Variants in IGF2BP3 observed in about 807,000 individuals in gnomAD.
IGF2BP3 encodes the protein insulin like growth factor 2 mRNA binding protein 3.
IGF2BP3 carries 9 observed loss-of-function variants against 73.8 expected under a neutral mutation model. The ratio of observed to expected loss-of-function variants is 0.12; its 90% confidence interval spans 0.07 to 0.21. The LOEUF (loss-of-function observed/expected upper bound fraction) is 0.21. Ranked by LOEUF, IGF2BP3 falls within the 10% of genes least tolerant of loss-of-function variation. The pLI is 1.00. For synonymous variants in IGF2BP3, 258 were observed against 256.7 expected (o/e 1.01, Z -0.05); for missense variants, 542 against 714.0 (o/e 0.76, Z 2.75).
intron 12 of IGF2BP3, among the ~76,000 whole-genome samples, chr7:23,314,684 A>C (rs1043955924): frequency 2.0e-5 from 3 of 152,160 alleles, no homozygotes; most frequent in African/African-American, 7.2e-5. Context: ...TCACATCTAC[A>C]TGGGCCAGTT....
intron 10 of IGF2BP3, among the ~76,000 whole-genome samples, chr7:23,326,811 G>T (rs531843991): frequency 3.5e-4 from 49 of 141,844 alleles, no homozygotes; most frequent in East Asian, 6.2e-4. Context: ...GTAAACTATC[G>T]CAAGAACAAA....
At chr7:23,338,497 G>C (rs1784629760) in intron 10 of IGF2BP3, among the ~76,000 whole-genome samples, 2 of 152,090 alleles carry the variant, frequency 1.3e-5, no homozygotes, top group Non-Finnish European at 2.9e-5. Context: ...CTCTTGAAAA[G>C]AACAGTTCCT....
In IGF2BP3 at chr7:23,468,054, G is replaced by T. The variant is rs535345639; in HGVS notation, c.236+428C>A. On this transcript the variant is annotated intron_variant, in intron 2 of 14. Transcript: ENST00000258729. ...CCGCGCCCACGGCCTCCCAACCCCG[G>T]ACAGAGAAGGAAAGGAGGGACCCCC... The T allele has an allele frequency of 3.0e-3, 629 of 207,938 alleles. 2 individuals are homozygous for T. The highest frequency in any genetic ancestry group is 4.8e-3 in the Non-Finnish European group (485 of 102,042). The allele number at this position is 207,938 out of a possible 1,614,324, so 12.9% of individuals were successfully genotyped here. A position where few individuals can be genotyped will look rare whatever the true frequency, so the allele number is the denominator to read the frequency against.
intron 10 of IGF2BP3, among the ~76,000 whole-genome samples, chr7:23,337,140 T>C (rs1289457309): frequency 6.6e-6 from 1 of 152,158 alleles, no homozygotes; most frequent in East Asian, 1.9e-4. Context: ...GCAAAGCTAT[T>C]CCAACTGAGT....
At chr7:23,335,879 C>G (rs1784561329) in intron 10 of IGF2BP3, among the ~76,000 whole-genome samples, 1 of 152,202 alleles carries the variant, frequency 6.6e-6, no homozygotes, top group Non-Finnish European at 1.5e-5. Context: ...AGGCGCGTTT[C>G]CTGTCATTTA....
chr7:23,389,362 A>G (rs1040153883), intron 3 of IGF2BP3, among the ~76,000 whole-genome samples: 1 of 152,030 alleles, frequency 6.6e-6, no homozygotes, highest in Admixed American at 6.6e-5. Context: ...GGGTTTCACC[A>G]TATTGGCCAA....
Position 23,409,412 on chromosome 7 carries a change from T to C in IGF2BP3, c.285+9364A>G, listed in dbSNP as rs751987894. On this transcript the variant is annotated intron_variant, in intron 3 of 14. Transcript: ENST00000258729. ...GTGTATAGACTTGCTGGTTCCAAAATACACGTGGAAAAGCAAAGTAAAGAC... is the reference window on the plus strand; with the variant it reads ...GTGTATAGACTTGCTGGTTCCAAAACACACGTGGAAAAGCAAAGTAAAGAC... Among the ~76,000 whole-genome samples, 162 of 152,110 alleles carry C rather than the reference T, an allele frequency of 1.1e-3. 1 individual carries two copies. The highest frequency in any genetic ancestry group is 1.1e-3 in the Non-Finnish European group (73 of 68,014).
chr7:23,400,324 T>C (rs958177227), intron 3 of IGF2BP3, among the ~76,000 whole-genome samples: 1 of 152,226 alleles, frequency 6.6e-6, no homozygotes, highest in East Asian at 1.9e-4. Context: ...GTTTTCACCA[T>C]TAGAAGAAGT....
chr7:23,381,904 A>G (rs1407630431), intron 3 of IGF2BP3, among the ~76,000 whole-genome samples: 1 of 152,142 alleles, frequency 6.6e-6, no homozygotes, highest in Non-Finnish European at 1.5e-5. Context: ...CAAAGTCCAA[A>G]GTTTAAAATT....
chr7:23,457,321 C>T (rs912729859), intron 2 of IGF2BP3, among the ~76,000 whole-genome samples: 17 of 151,688 alleles, frequency 1.1e-4, no homozygotes, highest in African/African-American at 3.6e-4. Flanking sequence ...AAAAATTAGC[C>T]GGGTGTGGTG....
At chr7:23,377,098 T>C (rs574491714) in intron 3 of IGF2BP3, among the ~76,000 whole-genome samples, 9 of 151,932 alleles carry the variant, frequency 5.9e-5, no homozygotes, top group African/African-American at 1.9e-4. Context: ...ATAATGTTTA[T>C]GACAAAATTT....
At chr7:23,345,269 C>T (rs1370061209) in intron 8 of IGF2BP3, among the ~76,000 whole-genome samples, 1 of 152,222 alleles carries the variant, frequency 6.6e-6, no homozygotes, top group Non-Finnish European at 1.5e-5. Flanking sequence ...TAGCCTGCCT[C>T]CAAGGTGATT....
rs1784442192 is a variant in IGF2BP3, at chr7:23,331,479, G to A, written c.1203+10585C>T. 3.3e-5 allele frequency among the ~76,000 whole-genome samples: 5 copies of A among 152,120 alleles called. No homozygotes were observed. In the South Asian group the frequency reaches 1.0e-3, roughly 32 times the overall value. Reference sequence around the variant, plus strand: ...TGCAAAGTATCTTAAACGTGCATAAGATGGGTGTGTACAGATGAGACAGAG... The same window carrying A: ...TGCAAAGTATCTTAAACGTGCATAAAATGGGTGTGTACAGATGAGACAGAG... On this transcript the variant is annotated intron_variant, in intron 10 of 14. Coordinates refer to ENST00000258729, the MANE Select transcript of IGF2BP3 (RefSeq NM_006547.3).
At chr7:23,406,844 C>A (rs557884828) in intron 3 of IGF2BP3, among the ~76,000 whole-genome samples, 2 of 152,244 alleles carry the variant, frequency 1.3e-5, no homozygotes, top group East Asian at 3.9e-4. Flanking sequence ...TGTTTACAAA[C>A]CTTTAGCTAG....
At chr7:23,392,464 A>G (rs1422831150) in intron 3 of IGF2BP3, among the ~76,000 whole-genome samples, 1 of 150,554 alleles carries the variant, frequency 6.6e-6, no homozygotes, top group Non-Finnish European at 1.5e-5. Flanking sequence ...ACACACACAC[A>G]TATATATGTA....
intron 10 of IGF2BP3, among the ~76,000 whole-genome samples, chr7:23,327,523 C>T (rs1224657410): frequency 8.6e-5 from 13 of 152,038 alleles, no homozygotes; most frequent in Non-Finnish European, 1.3e-4. Flanking sequence ...CCTCGTGATC[C>T]GCCCGCCTCG....
intron 6 of IGF2BP3, among the ~76,000 whole-genome samples, chr7:23,348,437 G>A (rs1784883602): frequency 6.6e-6 from 1 of 152,162 alleles, no homozygotes; most frequent in Non-Finnish European, 1.5e-5. Flanking sequence ...GGGTAACAAG[G>A]CACACTCAAC....
At chr7:23,446,858 T>C (rs889312576) in intron 2 of IGF2BP3, among the ~76,000 whole-genome samples, 1 of 152,154 alleles carries the variant, frequency 6.6e-6, no homozygotes, top group Non-Finnish European at 1.5e-5. Flanking sequence ...CATGTGCCTC[T>C]AGATGAGGTG....
intron 3 of IGF2BP3, among the ~76,000 whole-genome samples, chr7:23,411,442 C>T (rs1019951401): frequency 6.6e-6 from 1 of 152,004 alleles, no homozygotes; most frequent in Non-Finnish European, 1.5e-5. Flanking sequence ...ATTATCCGGG[C>T]GTGGTGGCAC....
Sources: allele counts gnomAD v4.1 joint callset (sites outside exome capture counted in the v4.1 genomes callset), GRCh38; gene constraint gnomAD v4.1.1; transcripts MANE v1.5; gene names NCBI Gene and HGNC (gene_info 2026-07-23, HGNC 2026-07-21).